The following BST1 variants were observed in gnomAD, a reference collection of about 807,000 sequenced individuals.
BST1 encodes bone marrow stromal cell antigen 1.
In BST1, 49 loss-of-function variants were observed where a neutral mutation model predicts 40.6. The observed-to-expected ratio is 1.21, with a 90% CI of 0.96 to 1.53. The LOEUF (loss-of-function observed/expected upper bound fraction) is 1.53. Ranked by LOEUF, BST1 falls within the 40% of genes most tolerant of loss-of-function variation. BST1 has a pLI of 0.00. For synonymous variants in BST1, 157 were observed against 159.3 expected (o/e 0.99, Z 0.11); for missense variants, 423 against 395.9 (o/e 1.07, Z -0.58).
At chr4:15,739,446 G>A (rs930954156), downstream of BST1, among the ~76,000 whole-genome samples, 6 of 152,032 alleles carry the variant, frequency 3.9e-5, no homozygotes, top group Non-Finnish European at 7.4e-5. Context: ...TTGGTTCTTT[G>A]GAACTTCTTT....
chr4:15,736,191 G>A (rs1721556681), downstream of BST1: 1 of 1,216,984 alleles, frequency 8.2e-7, no homozygotes, highest in Non-Finnish European at 1.1e-6. Context: ...CTTCTGCTTG[G>A]TTTCTCCTTC....
downstream of BST1, among the ~76,000 whole-genome samples, chr4:15,735,075 C>G (rs1049025222): frequency 6.6e-6 from 1 of 152,170 alleles, no homozygotes; most frequent in Non-Finnish European, 1.5e-5. Flanking sequence ...TCTACCCAGA[C>G]GTGCTCTCTA....
At chr4:15,750,854 T>C in the BST1 span, among the ~76,000 whole-genome samples, 1 of 152,218 alleles carries the variant, frequency 6.6e-6, no homozygotes, top group African/African-American at 2.4e-5. Flanking sequence ...TAAAATTTTA[T>C]ATATGGCTCA....
At chr4:15,719,360 T>C (rs988666488) in intron 7 of BST1, among the ~76,000 whole-genome samples, 1 of 152,084 alleles carries the variant, frequency 6.6e-6, no homozygotes, top group Admixed American at 6.6e-5. Context: ...GGTGCTAAGG[T>C]GGGAGCTTGT....
chr4:15,765,998 C>G, the BST1 span, among the ~76,000 whole-genome samples: 4 of 151,968 alleles, frequency 2.6e-5, no homozygotes, highest in Non-Finnish European at 5.9e-5. Context: ...ATTTAATGCA[C>G]AAATGGCTGA....
chr4:15,720,987 C>T (rs909400971), intron 7 of BST1, among the ~76,000 whole-genome samples: 2 of 152,090 alleles, frequency 1.3e-5, no homozygotes, highest in African/African-American at 4.8e-5. Context: ...CTCACGGCTG[C>T]CCTGGGTCTG....
downstream of BST1, among the ~76,000 whole-genome samples, chr4:15,735,848 T>A (rs980387620): frequency 6.6e-6 from 1 of 152,164 alleles, no homozygotes; most frequent in Non-Finnish European, 1.5e-5. Context: ...CATTTTGAGT[T>A]CCATAAGAAA....
At chr4:15,764,618 G>A in the BST1 span, among the ~76,000 whole-genome samples, 5 of 151,852 alleles carry the variant, frequency 3.3e-5, no homozygotes, top group African/African-American at 9.7e-5. Flanking sequence ...TATCAGAATG[G>A]GTTTTAAGAA....
At chr4:15,737,076 C>T (rs1163659207), downstream of BST1, among the ~76,000 whole-genome samples, 1 of 152,206 alleles carries the variant, frequency 6.6e-6, no homozygotes, top group African/African-American at 2.4e-5. Context: ...CTTACCTGAG[C>T]TGCATCACCG....
At chr4:15,742,554 C>T (rs780227890), downstream of BST1, among the ~76,000 whole-genome samples, 13 of 152,200 alleles carry the variant, frequency 8.5e-5, no homozygotes, top group Non-Finnish European at 1.6e-4. Context: ...TGCTCAGGCT[C>T]AGGTATTCTG....
chr4:15,741,787 G>C (rs1169647912), downstream of BST1, among the ~76,000 whole-genome samples: 2 of 152,200 alleles, frequency 1.3e-5, no homozygotes, highest in African/African-American at 4.8e-5. Flanking sequence ...GCAGAGTTGA[G>C]CAGTGGCAAC....
downstream of BST1, among the ~76,000 whole-genome samples, chr4:15,734,283 A>G (rs1721485497): frequency 6.6e-6 from 1 of 152,192 alleles, no homozygotes; most frequent in South Asian, 2.1e-4. Flanking sequence ...TGGTGATTGC[A>G]TGAATCCAAG....
chr4:15,716,670 C>T (rs1305272570), intron 6 of BST1, among the ~76,000 whole-genome samples: 2 of 152,204 alleles, frequency 1.3e-5, no homozygotes, highest in East Asian at 3.8e-4. Flanking sequence ...GTAAGTTATA[C>T]CAAGATCTGC....
intron 8 of BST1, among the ~76,000 whole-genome samples, chr4:15,723,254 T>C (rs76912529): frequency 0.022 from 3,301 of 152,258 alleles, 116 homozygotes; most frequent in African/African-American, 0.075. Context: ...ACCTTTTTTT[T>C]TGGGAGGCGG....
the BST1 span, among the ~76,000 whole-genome samples, chr4:15,762,441 TA>T: frequency 6.6e-6 from 1 of 151,950 alleles, no homozygotes; most frequent in Non-Finnish European, 1.5e-5. Flanking sequence ...TCATTTCATT[TA>T]AAAATATTTA....
At chr4:15,707,479 T>C in intron 2 of BST1, 32 bp from the exon 3 acceptor site, 3 of 1,613,482 alleles carry the variant, frequency 1.9e-6, no homozygotes, top group Non-Finnish European at 2.5e-6. Context: ...GATTCTGTTT[T>C]GTATTTTGAT....
At chr4:15,722,403 T>C (rs1464296830) in intron 7 of BST1, among the ~76,000 whole-genome samples, 3 of 152,096 alleles carry the variant, frequency 2.0e-5, no homozygotes, top group Non-Finnish European at 2.9e-5. Flanking sequence ...AGGAAGTGCT[T>C]GATAAATGCT....
intron 8 of BST1, among the ~76,000 whole-genome samples, chr4:15,723,955 G>T (rs536111735): frequency 6.6e-6 from 1 of 152,238 alleles, no homozygotes; most frequent in African/African-American, 2.4e-5. Flanking sequence ...ATTTCAGTTT[G>T]TGTGGGCAGG....
chr4:15,750,907 C>T, the BST1 span, among the ~76,000 whole-genome samples: 1 of 152,008 alleles, frequency 6.6e-6, no homozygotes, highest in Admixed American at 6.6e-5. Context: ...AATAAATTAT[C>T]AGGTGGTCCA....
Sources: gnomAD v4.1 joint callset for allele counts (sites outside exome capture counted in the v4.1 genomes callset) on GRCh38, gnomAD v4.1.1 for gene constraint, MANE v1.5 for transcripts, NCBI Gene and HGNC (gene_info 2026-07-23, HGNC 2026-07-21) for gene names.